The following NHSL2 variants were observed in gnomAD, a reference collection of about 807,000 sequenced individuals.
The protein encoded by NHSL2 is NHS-like protein 2.
In NHSL2, 27 loss-of-function variants were observed where a neutral mutation model predicts 53.4. The observed-to-expected ratio is 0.51, with a 90% CI of 0.37 to 0.70. NHSL2 has a LOEUF of 0.70. Among genes scored for constraint, NHSL2 ranks in the 30% least tolerant of loss-of-function variants. The pLI, the probability that NHSL2 is intolerant of heterozygous loss-of-function variation, is 0.00. For synonymous variants in NHSL2, 408 were observed against 404.1 expected (o/e 1.01, Z -0.12); for missense variants, 892 against 980.1 (o/e 0.91, Z 1.20).
At chrX:71,987,114 G>C (rs766554912) in intron 1 of NHSL2, among the ~76,000 whole-genome samples, 62 of 111,956 alleles carry the variant, frequency 5.5e-4, no homozygotes, top group African/African-American at 2.0e-3. Flanking sequence ...GGGAGGCTGA[G>C]GCATGAGAAT....
chrX:72,095,174 C>A (rs1301265144), intron 1 of NHSL2, among the ~76,000 whole-genome samples: 1 of 112,181 alleles, frequency 8.9e-6, no homozygotes, highest in African/African-American at 3.2e-5. Context: ...GCAAGCAGGA[C>A]CTAGAAGCTC....
At chrX:71,948,853 T>TG (rs2041806678) in intron 1 of NHSL2, among the ~76,000 whole-genome samples, 1 of 105,250 alleles carries the variant, frequency 9.5e-6, no homozygotes, top group Admixed American at 1.0e-4. Flanking sequence ...GTAGTTTTGT[T>TG]TTTTTTTTTT....
chrX:71,961,617 G>A (rs2041868028), intron 1 of NHSL2, among the ~76,000 whole-genome samples: 2 of 111,234 alleles, frequency 1.8e-5, no homozygotes, highest in Admixed American at 9.6e-5. Context: ...CATTGAATAC[G>A]ATGTTAGCTT....
chrX:72,132,333 A>AAG, intron 2 of NHSL2, 99 bp downstream of exon 2: 2 of 792,652 alleles, frequency 2.5e-6, no homozygotes, highest in Non-Finnish European at 3.5e-6. Context: ...CAGCAAGATA[A>AAG]AGACAGAGAG....
intron 1 of NHSL2, chrX:72,131,777 C>T: frequency 4.3e-6 from 1 of 232,986 alleles, no homozygotes; most frequent in Non-Finnish European, 7.4e-6. Context: ...CCGGAGAGGG[C>T]GGGCGGAGGC....
At position 71,989,720 on chromosome X, in the gene NHSL2, G is replaced by T. The variant is rs778837336; in HGVS notation, c.280+78353G>T. On this transcript the variant is annotated intron_variant, in intron 1 of 7. Coordinates refer to ENST00000633930, the MANE Select transcript of NHSL2 (RefSeq NM_001013627.3). ...CAGTGATTCCTGCTCATTCACCAATGCTGCAGCCTCTTCCCAGAGGGCAAA... is the reference window on the plus strand; with the variant it reads ...CAGTGATTCCTGCTCATTCACCAATTCTGCAGCCTCTTCCCAGAGGGCAAA... Among the ~76,000 whole-genome samples the T allele has an allele frequency of 1.2e-4, 13 of 112,550 alleles. No individual in the cohort carries two copies. In the South Asian group the frequency reaches 4.7e-3, roughly 41 times the overall value.
intron 1 of NHSL2, among the ~76,000 whole-genome samples, chrX:72,032,120 G>A (rs995842178): frequency 9.0e-6 from 1 of 111,316 alleles, no homozygotes; most frequent in African/African-American, 3.3e-5. Flanking sequence ...AGCCAGGCGC[G>A]GTGGTTCATG....
rs370881954 is a variant in NHSL2, at chrX:72,139,714, A to G, written c.2166A>G (p.Pro722=). 9.9e-6 allele frequency: 12 copies of G among 1,207,500 alleles called. No individual in the cohort carries two copies. In the South Asian group the frequency reaches 1.9e-4, roughly 20 times the overall value. ...GCTACTCCAGCCAGTCGGAAACACC[A>G]ACACCCACTGTTTCCATGTCCCTGA... ...SSGYSSQSET[P]TPTVSMSLTL... is the part of the protein sequence containing the mutation. Residue 722 remains proline (P), a synonymous_variant, in exon 6 of 8, where the codon CCA becomes CCG. Coordinates refer to ENST00000633930, the MANE Select transcript of NHSL2 (RefSeq NM_001013627.3).
At chrX:72,077,155 C>T (rs2041751120) in intron 1 of NHSL2, among the ~76,000 whole-genome samples, 1 of 110,787 alleles carries the variant, frequency 9.0e-6, no homozygotes, top group Non-Finnish European at 1.9e-5. Flanking sequence ...GTGGAATATT[C>T]TGACCCACCT....
chrX:71,937,074 A>G (rs1277249352), intron 1 of NHSL2, among the ~76,000 whole-genome samples: 1 of 111,898 alleles, frequency 8.9e-6, no homozygotes, highest in African/African-American at 3.3e-5. Context: ...ATTCAAACCG[A>G]GCTCTTTTTG....
intron 1 of NHSL2, among the ~76,000 whole-genome samples, chrX:71,922,577 T>C (rs987074358): frequency 8.9e-6 from 1 of 111,926 alleles, no homozygotes; most frequent in Non-Finnish European, 1.9e-5. Context: ...CTTGGGAGCC[T>C]GAGGCGGGAG....
At chrX:72,125,959 C>T (rs1329218987) in intron 1 of NHSL2, among the ~76,000 whole-genome samples, 3 of 112,015 alleles carry the variant, frequency 2.7e-5, no homozygotes, top group African/African-American at 9.8e-5. Context: ...ATAGCAAGCA[C>T]GGTGTATTTG....
intron 1 of NHSL2, among the ~76,000 whole-genome samples, chrX:72,033,807 T>C (rs1025816833): frequency 9.0e-6 from 1 of 110,994 alleles, no homozygotes; most frequent in Non-Finnish European, 1.9e-5. Flanking sequence ...TGGGATTTTC[T>C]ATATATATAT....
intron 1 of NHSL2, among the ~76,000 whole-genome samples, chrX:71,922,133 A>G (rs1356949874): frequency 1.8e-5 from 2 of 112,541 alleles, no homozygotes; most frequent in African/African-American, 6.5e-5. Context: ...AACAAATGCA[A>G]TGCAGAAGAA....
At chrX:71,926,556 T>A (rs1030306697) in intron 1 of NHSL2, among the ~76,000 whole-genome samples, 8 of 110,744 alleles carry the variant, frequency 7.2e-5, no homozygotes, top group Non-Finnish European at 1.5e-4. Context: ...TAGTGTGCAA[T>A]CAAGCTCAAG....
At chrX:72,089,607 A>G (rs970668923) in intron 1 of NHSL2, among the ~76,000 whole-genome samples, 1 of 111,171 alleles carries the variant, frequency 9.0e-6, no homozygotes, top group Non-Finnish European at 1.9e-5. Flanking sequence ...GAGGCATCCC[A>G]GTGGCCTTTC....
At chrX:72,005,818 A>G (rs950855616) in intron 1 of NHSL2, among the ~76,000 whole-genome samples, 1 of 112,162 alleles carries the variant, frequency 8.9e-6, no homozygotes, top group African/African-American at 3.2e-5. Context: ...AGGGGCAGGC[A>G]TCGAGATGGC....
intron 1 of NHSL2, among the ~76,000 whole-genome samples, chrX:72,112,964 A>G (rs2147479632): frequency 8.9e-6 from 1 of 112,009 alleles, no homozygotes; most frequent in South Asian, 3.7e-4. Flanking sequence ...TTCTGGGATT[A>G]CAGGCATGAG....
At position 72,021,871 on chromosome X, in the gene NHSL2, C is replaced by T. The variant is rs772417196; in HGVS notation, c.281-110208C>T. Among the ~76,000 whole-genome samples, 10 of 111,852 alleles carry T rather than the reference C, an allele frequency of 8.9e-5. No individual in the cohort carries two copies. In the East Asian group the frequency reaches 2.8e-3, roughly 32 times the overall value. ...CTGTCATGGTGCCCCTGCCTCAGCT[C>T]GGCTTCTCCTTCTTCCCCAGCACTT... On this transcript the variant is annotated intron_variant, in intron 1 of 7. Transcript: ENST00000633930.
Sources: gnomAD v4.1 joint callset for allele counts (sites outside exome capture counted in the v4.1 genomes callset) on GRCh38, gnomAD v4.1.1 for gene constraint, MANE v1.5 for transcripts, NCBI Gene and HGNC (gene_info 2026-07-23, HGNC 2026-07-21) for gene names.